Variants in COL27A1 observed in about 807,000 individuals in gnomAD.
The protein encoded by COL27A1 is collagen alpha-1(XXVII) chain.
A neutral mutation model predicts 251.3 loss-of-function variants in COL27A1; 106 were observed. The ratio of observed to expected loss-of-function variants is 0.42; its 90% confidence interval spans 0.36 to 0.50. The LOEUF (loss-of-function observed/expected upper bound fraction) is 0.50. Ranked by LOEUF, COL27A1 falls within the 20% of genes least tolerant of loss-of-function variation. The pLI, the probability that COL27A1 is intolerant of heterozygous loss-of-function variation, is 0.00. For missense variants in COL27A1, 2,325 were observed against 2,522.8 expected, an observed-to-expected ratio of 0.92 and a Z score of 1.68; for synonymous variants, 1,000 against 986.3, an observed-to-expected ratio of 1.01 and a Z score of -0.26.
At position 114,268,015 on chromosome 9, in the gene COL27A1, G is replaced by A. The variant is rs550640229; in HGVS notation, c.3501+458G>A. Among the ~76,000 whole-genome samples the A allele has an allele frequency of 4.6e-5, 7 of 152,288 alleles. No homozygotes were observed. In the South Asian group the frequency reaches 6.2e-4, roughly 14 times the overall value. ...GTTGAGGCAGGGCCCAGGGGAGCCC[G>A]CAGAGGGGCTGTGAGACTTGAGTCC... On this transcript the variant is annotated intron_variant, in intron 34 of 60. Transcript: ENST00000356083.
At chr9:114,310,402 C>A in intron 60 of COL27A1, 147 bp from the exon 61 acceptor site, 3 of 761,526 alleles carry the variant, frequency 3.9e-6, no homozygotes, top group Non-Finnish European at 6.5e-6. Context: ...AGAGTGGAAG[C>A]AATCTAAATG....
intron 36 of COL27A1, chr9:114,274,072 T>A (rs1835326383): frequency 6.6e-6 from 1 of 151,968 alleles, no homozygotes; most frequent in Non-Finnish European, 1.5e-5. Flanking sequence ...TGAAACCCTG[T>A]CTCTACTAAA....
chr9:114,194,483 C>G, intron 6 of COL27A1, 26 bp downstream of exon 6: 1 of 1,600,060 alleles, frequency 6.2e-7, no homozygotes, highest in Non-Finnish European at 8.6e-7. Flanking sequence ...CCCCAGTTCT[C>G]AGGGAAGAGG....
intron 49 of COL27A1, among the ~76,000 whole-genome samples, chr9:114,294,163 G>A (rs138900178): frequency 0.017 from 2,604 of 149,144 alleles, 79 homozygotes; most frequent in African/African-American, 0.061. Flanking sequence ...CAGGAGAATC[G>A]CTTGAACCTG....
At position 114,302,525 on chromosome 9, in the gene COL27A1, G is replaced by A. The variant is rs146612538; in HGVS notation, c.4872+417G>A. On this transcript the variant is annotated intron_variant, in intron 56 of 60. Transcript: ENST00000356083. ...GCAGATCACCTGAGGTCAGGAGTTCGAGACCAACCTGACCAACATGGTGAA... is the reference window on the plus strand; with the variant it reads ...GCAGATCACCTGAGGTCAGGAGTTCAAGACCAACCTGACCAACATGGTGAA... Among the ~76,000 whole-genome samples the A allele has an allele frequency of 4.0e-3, 604 of 152,162 alleles. 3 individuals carry two copies. The highest frequency in any genetic ancestry group is 0.014 in the African/African-American group (572 of 41,526).
intron 14 of COL27A1, among the ~76,000 whole-genome samples, chr9:114,226,617 TAA>T (rs1255907837): frequency 6.6e-6 from 1 of 152,208 alleles, no homozygotes; most frequent in African/African-American, 2.4e-5. Context: ...TGGTGCTTAG[TAA>T]GACCACACAG....
chr9:114,306,742 A>G (rs1179952438), intron 58 of COL27A1, 54 bp downstream of exon 58: 1 of 1,584,552 alleles, frequency 6.3e-7, no homozygotes, highest in Admixed American at 1.8e-5. Context: ...GAGCTGGGGC[A>G]GGTGGAGTAT....
At chr9:114,185,268 A>G (rs187754628) in intron 5 of COL27A1, among the ~76,000 whole-genome samples, 360 of 152,372 alleles carry the variant, frequency 2.4e-3, no homozygotes, top group Admixed American at 3.9e-3. Flanking sequence ...GCATCTGTGT[A>G]TAATAGATAA....
intron 41 of COL27A1, 49 bp from the exon 42 acceptor site, chr9:114,288,406 A>G (rs750619383): frequency 1.3e-6 from 2 of 1,586,198 alleles, no homozygotes; most frequent in African/African-American, 2.7e-5. Context: ...AATTCCCCAC[A>G]TTCCCCAGGA....
At chr9:114,250,163 G>A (rs996544061) in intron 24 of COL27A1, among the ~76,000 whole-genome samples, 1 of 152,154 alleles carries the variant, frequency 6.6e-6, no homozygotes, top group Non-Finnish European at 1.5e-5. Flanking sequence ...CCGCCTCCCC[G>A]ATTCCAATCA....
chr9:114,203,765 G>A (rs917886606), intron 7 of COL27A1, among the ~76,000 whole-genome samples: 2 of 152,202 alleles, frequency 1.3e-5, no homozygotes, highest in Non-Finnish European at 2.9e-5. Context: ...GTATGCCTGT[G>A]TGTGTCTGTG....
chr9:114,298,131 TC>T, intron 49 of COL27A1, among the ~76,000 whole-genome samples: 1 of 104,178 alleles, frequency 9.6e-6, no homozygotes, highest in Non-Finnish European at 1.9e-5. Context: ...CAAGACCCCA[TC>T]TTAAAAAAAA....
At chr9:114,165,357 A>G (rs1168321645) in intron 2 of COL27A1, among the ~76,000 whole-genome samples, 1 of 151,854 alleles carries the variant, frequency 6.6e-6, no homozygotes, top group Non-Finnish European at 1.5e-5. Context: ...CCATCCATCC[A>G]TCCATCCATT....
chr9:114,169,314 AC>A lies in COL27A1; in HGVS notation c.1763del (p.Pro588ArgfsTer36). ...ACAGCCCCAGCCCAGTCAGCAGACCACCCCGGCCCTGGTATTGGCCCCGGCG... is the reference window on the plus strand; with the variant it reads ...ACAGCCCCAGCCCAGTCAGCAGACCACCCGGCCCTGGTATTGGCCCCGGCG... ...PRQPQPSQQT[T>X]PALVLAPAQF... On this transcript the variant is annotated frameshift_variant, in exon 3 of 61. Transcript: ENST00000356083. LOFTEE classifies it high-confidence loss of function. 1 of 1,611,546 alleles carries A rather than the reference AC, an allele frequency of 6.2e-7. No homozygotes were observed. Among genetic ancestry groups the A allele is most frequent in the South Asian group, 1.1e-5 (1 of 90,900 alleles).
Position 114,258,614 on chromosome 9 carries a change from T to G in COL27A1, c.3195+20T>G. 1 of 1,612,382 alleles carries G rather than the reference T, an allele frequency of 6.2e-7. No individual in the cohort carries two copies. Among genetic ancestry groups the G allele is most frequent in the South Asian group, 1.1e-5 (1 of 90,760 alleles). On this transcript the variant is annotated intron_variant, in intron 28 of 60. Transcript: ENST00000356083. The stretch of plus-strand genomic sequence containing the variant: ...CGTCGGGTAAGTCGAGCCCAGCTCC[T>G]GGGGGCTGATGCTGGTGGGAGGGGG...
At chr9:114,191,590 G>A (rs760598021) in intron 5 of COL27A1, among the ~76,000 whole-genome samples, 42 of 152,308 alleles carry the variant, frequency 2.8e-4, no homozygotes, top group Non-Finnish European at 4.9e-4. Flanking sequence ...TGCAAAGGAC[G>A]TGATCTCATT....
At chr9:114,179,714 C>T (rs1307998917) in intron 4 of COL27A1, among the ~76,000 whole-genome samples, 2 of 152,154 alleles carry the variant, frequency 1.3e-5, no homozygotes, top group Admixed American at 6.5e-5. Flanking sequence ...AATCTATTCC[C>T]ATTTTACAGA....
intron 37 of COL27A1, among the ~76,000 whole-genome samples, chr9:114,281,899 C>T (rs1835933690): frequency 6.6e-6 from 1 of 152,200 alleles, no homozygotes; most frequent in African/African-American, 2.4e-5. Context: ...GCACTTGGCG[C>T]TGGAGAGAGC....
rs756213906 is a variant in COL27A1, at chr9:114,167,888, T to C, written c.333T>C (p.His111=). The change falls in exon 3 of 61, where the codon CAT becomes CAC. Residue 111 remains histidine (H), a synonymous_variant. Coordinates refer to ENST00000356083, the MANE Select transcript of COL27A1 (RefSeq NM_032888.4). ...GCCTCTGCTCCCACCGGGTGAACCATGCCTTCCTCTTCGCTGTCCGCAGCC... is the reference window on the plus strand; with the variant it reads ...GCCTCTGCTCCCACCGGGTGAACCACGCCTTCCTCTTCGCTGTCCGCAGCC... The part of the protein sequence containing the change: ...VLSLCSHRVN[H]AFLFAVRSQK... 6 of 1,613,144 alleles carry C rather than the reference T, an allele frequency of 3.7e-6. No individual in the cohort carries two copies. The highest frequency in any genetic ancestry group is 2.2e-5 in the South Asian group (2 of 91,068).
Sources: allele counts gnomAD v4.1 joint callset (sites outside exome capture counted in the v4.1 genomes callset), GRCh38; gene constraint gnomAD v4.1.1; transcripts MANE v1.5; gene names NCBI Gene and HGNC (gene_info 2026-07-23, HGNC 2026-07-21).